RBFOX1: variants seen among roughly 807,000 people sequenced by gnomAD.
The protein encoded by RBFOX1 is RNA binding fox-1 homolog 1.
Under a neutral mutation model 57.7 loss-of-function variants are expected in RBFOX1, and 8 were observed. The observed-to-expected ratio is 0.14, with a 90% CI of 0.08 to 0.25. The LOEUF is 0.25. Among genes scored for constraint, RBFOX1 ranks in the 10% least tolerant of loss-of-function variants. The pLI is 1.00. For missense variants in RBFOX1, 611 were observed against 548.5 expected (o/e 1.11, Z -1.14); for synonymous variants, 326 against 222.4 (o/e 1.47, Z -4.15).
At chr16:6,624,177 G>A (rs2098273036) in intron 2 of RBFOX1, among the ~76,000 whole-genome samples, 1 of 151,914 alleles carries the variant, frequency 6.6e-6, no homozygotes, top group Non-Finnish European at 1.5e-5. Flanking sequence ...ATGAGGAAGG[G>A]GCATAAATGC....
rs567212509 is a variant in RBFOX1, at chr16:5,964,689, A to T, written c.351+97354A>T. 2.0e-5 allele frequency among the ~76,000 whole-genome samples: 3 copies of T among 152,190 alleles called. No individual in the cohort carries two copies. In the South Asian group the frequency reaches 6.2e-4, roughly 32 times the overall value. On this transcript the variant is annotated intron_variant, in intron 4 of 19. Transcript: ENST00000641259. ...CTTTTAGGCCATTGTGTGTTTGTGTATATATATGTACATATAACATATACA... is the reference window on the plus strand; with the variant it reads ...CTTTTAGGCCATTGTGTGTTTGTGTTTATATATGTACATATAACATATACA...
intron 3 of RBFOX1, among the ~76,000 whole-genome samples, chr16:6,792,674 T>G (rs867307521): frequency 6.6e-6 from 1 of 152,064 alleles, no homozygotes; most frequent in Non-Finnish European, 1.5e-5. Context: ...ATTTCTGGTT[T>G]TCATGTCTGT....
chr16:6,733,370 T>G (rs2069171472), intron 3 of RBFOX1, among the ~76,000 whole-genome samples: 1 of 152,226 alleles, frequency 6.6e-6, no homozygotes. Flanking sequence ...TGAACTGATC[T>G]GTACACCCAT....
chr16:6,824,899 C>CT (rs2154279738), intron 3 of RBFOX1, among the ~76,000 whole-genome samples: 1 of 151,044 alleles, frequency 6.6e-6, no homozygotes, highest in East Asian at 1.9e-4. Context: ...TGTTGGGTTC[C>CT]TGCCATCTTC....
At chr16:7,049,395 A>G (rs894117798) in intron 3 of RBFOX1, among the ~76,000 whole-genome samples, 3 of 152,138 alleles carry the variant, frequency 2.0e-5, no homozygotes, top group Non-Finnish European at 4.4e-5. Context: ...ATACATGAAC[A>G]CTACCCTGAG....
chr16:5,750,768 C>T (rs1197359342), intron 3 of RBFOX1, among the ~76,000 whole-genome samples: 1 of 152,206 alleles, frequency 6.6e-6, no homozygotes, highest in East Asian at 1.9e-4. Context: ...TCTGCCACAG[C>T]TTCCCTTGGC....
At chr16:7,609,460 G>A (rs1278158597) in intron 10 of RBFOX1, among the ~76,000 whole-genome samples, 1 of 152,124 alleles carries the variant, frequency 6.6e-6, no homozygotes, top group Non-Finnish European at 1.5e-5. Flanking sequence ...GTAACTATAA[G>A]AATAAATTCA....
intron 5 of RBFOX1, among the ~76,000 whole-genome samples, chr16:7,575,430 AC>A (rs1158549713): frequency 2.0e-5 from 3 of 151,736 alleles, no homozygotes; most frequent in Admixed American, 2.0e-4. Flanking sequence ...ACCGCACCCG[AC>A]CCTAGTATCG....
chr16:5,459,960 T>C (rs2068741332), intron 1 of RBFOX1, among the ~76,000 whole-genome samples: 1 of 152,230 alleles, frequency 6.6e-6, no homozygotes, highest in South Asian at 2.1e-4. Context: ...GCTTGATTTA[T>C]TCTCAGCTGC....
intron 3 of RBFOX1, among the ~76,000 whole-genome samples, chr16:6,943,794 C>G (rs180960438): frequency 4.7e-4 from 71 of 151,894 alleles, no homozygotes; most frequent in African/African-American, 1.6e-3. Context: ...CACTCATAGA[C>G]TGTTAAGTGT....
At chr16:5,796,096 T>A (rs1884980321) in intron 3 of RBFOX1, among the ~76,000 whole-genome samples, 1 of 152,160 alleles carries the variant, frequency 6.6e-6, no homozygotes, top group South Asian at 2.1e-4. Flanking sequence ...TTCTGTCACT[T>A]TGTGAAGGCA....
At chr16:6,810,999 A>G (rs2088400884) in intron 3 of RBFOX1, among the ~76,000 whole-genome samples, 2 of 152,180 alleles carry the variant, frequency 1.3e-5, no homozygotes, top group African/African-American at 2.4e-5. Context: ...GATTTACACA[A>G]TTTTTGGAAA....
intron 1 of RBFOX1, among the ~76,000 whole-genome samples, chr16:6,283,273 G>C (rs138244405): frequency 1.9e-3 from 290 of 152,266 alleles, no homozygotes; most frequent in African/African-American, 6.6e-3. Flanking sequence ...CCTACAGTGA[G>C]CTGTGATGGC....
At chr16:6,926,045 G>C (rs978954362) in intron 3 of RBFOX1, among the ~76,000 whole-genome samples, 1 of 152,004 alleles carries the variant, frequency 6.6e-6, no homozygotes, top group African/African-American at 2.4e-5. Context: ...TTGGTGGCTC[G>C]TGTTAGTCCC....
At chr16:7,380,509 C>T (rs891979363) in intron 4 of RBFOX1, among the ~76,000 whole-genome samples, 1 of 152,192 alleles carries the variant, frequency 6.6e-6, no homozygotes, top group African/African-American at 2.4e-5. Flanking sequence ...GTCTGGTAAT[C>T]ATCTTTCAGT....
intron 3 of RBFOX1, among the ~76,000 whole-genome samples, chr16:7,038,620 C>G (rs1009041759): frequency 2.0e-5 from 3 of 152,114 alleles, no homozygotes; most frequent in Admixed American, 6.5e-5. Flanking sequence ...TGGCCAGGGG[C>G]TGCCCTTTCA....
chr16:5,460,393 T>G (rs1409601171), intron 1 of RBFOX1, among the ~76,000 whole-genome samples: 1 of 152,224 alleles, frequency 6.6e-6, no homozygotes, highest in Non-Finnish European at 1.5e-5. Flanking sequence ...TCTACACCAC[T>G]GCACCTCCCT....
intron 4 of RBFOX1, among the ~76,000 whole-genome samples, chr16:5,945,272 C>T (rs930047690): frequency 2.0e-5 from 3 of 152,154 alleles, no homozygotes; most frequent in Non-Finnish European, 2.9e-5. Flanking sequence ...CTAGCAGACA[C>T]GAGGACCCAC....
At chr16:7,186,005 A>G (rs1275119045) in intron 4 of RBFOX1, among the ~76,000 whole-genome samples, 1 of 152,122 alleles carries the variant, frequency 6.6e-6, no homozygotes. Flanking sequence ...TTTAGTATAG[A>G]TCAAAGGCAC....
Sources: gnomAD v4.1 joint callset for allele counts (sites outside exome capture counted in the v4.1 genomes callset) on GRCh38, gnomAD v4.1.1 for gene constraint, MANE v1.5 for transcripts, NCBI Gene and HGNC (gene_info 2026-07-23, HGNC 2026-07-21) for gene names.